ILRUN: variants seen among roughly 807,000 people sequenced by gnomAD.
The protein encoded by ILRUN is inflammation and lipid regulator with UBA-like and NBR1-like domains.
In ILRUN, 3 loss-of-function variants were observed where a neutral mutation model predicts 33.8. The observed-to-expected ratio is 0.09, with a 90% CI of 0.04 to 0.23. ILRUN has a LOEUF of 0.23. ILRUN is among the 10% of genes least tolerant of loss of function. ILRUN has a pLI of 1.00. For synonymous variants in ILRUN, 124 were observed against 138.9 expected, an observed-to-expected ratio of 0.89 and a Z score of 0.75; for missense variants, 210 against 375.1, an observed-to-expected ratio of 0.56 and a Z score of 3.64.
At chr6:34,659,888 T>C (rs1037171363) in intron 1 of ILRUN, among the ~76,000 whole-genome samples, 2 of 152,072 alleles carry the variant, frequency 1.3e-5, no homozygotes, top group Non-Finnish European at 2.9e-5. Context: ...CCCAAAGTGC[T>C]GGGATTACAG....
Position 34,696,558 on chromosome 6 carries a change from A to G in ILRUN, c.46T>C (p.Phe16Leu), listed in dbSNP as rs762135829. ...VDLDPELMQK[F>L]SCLGTTDKDV... ...TTGTCGGTGGTGCCCAGGCAGCTGA[A>G]CTTCTGCATCAGCTCCGGGTCCAGG... is the stretch of plus-strand genomic sequence containing the variant. The change falls in exon 1 of 5, where the codon TTC (phenylalanine) becomes CTC (leucine). Residue 16 changes from phenylalanine (F) to leucine (L), a missense_variant. This residue lies in a region of ILRUN where 61 missense variants were observed against 94.4 expected (regional missense o/e 0.65). Coordinates refer to ENST00000374023, the MANE Select transcript of ILRUN (RefSeq NM_024294.4). The G allele has an allele frequency of 1.9e-6, 3 of 1,612,786 alleles. No individual in the cohort carries two copies. Among genetic ancestry groups the G allele is most frequent in the Non-Finnish European group, 2.5e-6 (3 of 1,179,690 alleles).
At chr6:34,678,217 T>C (rs1763280743) in intron 1 of ILRUN, among the ~76,000 whole-genome samples, 2 of 152,106 alleles carry the variant, frequency 1.3e-5, no homozygotes, top group Non-Finnish European at 2.9e-5. Context: ...TTTTTGTATT[T>C]TTTAGTAGAG....
At chr6:34,695,794 G>A (rs938240094) in intron 1 of ILRUN, among the ~76,000 whole-genome samples, 3 of 151,470 alleles carry the variant, frequency 2.0e-5, no homozygotes, top group Non-Finnish European at 2.9e-5. Context: ...TTTACTAGTA[G>A]ATCCTACTCC....
chr6:34,651,665 TGA>T (rs1041869809), intron 2 of ILRUN, among the ~76,000 whole-genome samples: 1 of 151,510 alleles, frequency 6.6e-6, no homozygotes. Context: ...AACAAGGTAC[TGA>T]CTTCACTTTA....
chr6:34,657,681 T>C (rs1290851890), intron 1 of ILRUN, among the ~76,000 whole-genome samples: 1 of 152,150 alleles, frequency 6.6e-6, no homozygotes, highest in Non-Finnish European at 1.5e-5. Flanking sequence ...GGTACACAGC[T>C]ACAAATGTGG....
At position 34,606,434 on chromosome 6, in the gene ILRUN, T is replaced by C; in HGVS notation, c.861+121A>G. The C allele has an allele frequency of 4.3e-6, 3 of 702,750 alleles. No individual in the cohort carries two copies. The South Asian group carries it at 5.8e-5, about 14-fold the overall frequency. 43.5% of individuals were successfully genotyped at this position (702,750 alleles called of 1,614,324 possible). A position where few individuals can be genotyped will look rare whatever the true frequency, so the allele number is the denominator to read the frequency against. On this transcript the variant is annotated intron_variant, in intron 4 of 4. Coordinates refer to ENST00000374023, the MANE Select transcript of ILRUN (RefSeq NM_024294.4). ...GCATTGTTGCTATTGGCAGGAGAGC[T>C]GAGCAGTCTTAAAGAACCTCCTCTG... is the stretch of plus-strand genomic sequence containing the variant.
intron 1 of ILRUN, among the ~76,000 whole-genome samples, chr6:34,683,457 TATATACA>T (rs1562032990): frequency 3.5e-5 from 4 of 115,288 alleles, no homozygotes; most frequent in African/African-American, 1.7e-4. Context: ...TATATACATA[TATATACA>T]TATATATACA....
Position 34,592,622 on chromosome 6 carries a change from A to G in ILRUN, c.862-2022T>C, listed in dbSNP as rs1346914083. ...TTTTTATTTTTTTCAAGACAGAGTC[A>G]AGTGCTGGGATTACAGGCATGAGCC... On this transcript the variant is annotated intron_variant, in intron 4 of 4. Transcript: ENST00000374023. The surrounding 1 kb of genome is among the most constrained non-coding windows in gnomAD (Gnocchi z 4.0). Among the ~76,000 whole-genome samples the G allele has an allele frequency of 6.6e-6, 1 of 152,172 alleles. No individual in the cohort carries two copies. The highest frequency in any genetic ancestry group is 1.5e-5 in the Non-Finnish European group (1 of 68,034).
At chr6:34,644,755 G>A (rs1379540529) in intron 3 of ILRUN, among the ~76,000 whole-genome samples, 2 of 152,120 alleles carry the variant, frequency 1.3e-5, no homozygotes, top group Non-Finnish European at 1.5e-5. Context: ...AGGGTAGTGG[G>A]GAGAGGAGGC....
At chr6:34,612,534 A>G (rs1761779043) in intron 3 of ILRUN, among the ~76,000 whole-genome samples, 1 of 152,246 alleles carries the variant, frequency 6.6e-6, no homozygotes. Context: ...TTATTATAGT[A>G]TAAACTTCCT....
intron 3 of ILRUN, among the ~76,000 whole-genome samples, chr6:34,612,786 C>T (rs532730602): frequency 2.0e-4 from 31 of 152,070 alleles, no homozygotes; most frequent in East Asian, 1.2e-3. Flanking sequence ...CTCACGCCTG[C>T]AATCCCAGCA....
intron 3 of ILRUN, among the ~76,000 whole-genome samples, chr6:34,612,821 T>A (rs927882169): frequency 2.6e-5 from 4 of 152,062 alleles, no homozygotes; most frequent in Non-Finnish European, 5.9e-5. Context: ...GGCGGGCGGA[T>A]CATGAGGTCA....
intron 3 of ILRUN, among the ~76,000 whole-genome samples, chr6:34,608,385 AAAAAAATT>A (rs1346538583): frequency 6.6e-6 from 1 of 152,118 alleles, no homozygotes; most frequent in African/African-American, 2.4e-5. Flanking sequence ...TCCATCTCAA[AAAAAAATT>A]AAAAAATTAA....
chr6:34,671,812 C>T (rs1763122475), intron 1 of ILRUN: 1 of 152,190 alleles, frequency 6.6e-6, no homozygotes, highest in South Asian at 2.1e-4. Flanking sequence ...GGGAAGTAGA[C>T]AAGTGGAAAA....
At chr6:34,622,538 T>TAA (rs78821044) in intron 3 of ILRUN, among the ~76,000 whole-genome samples, 22 of 144,566 alleles carry the variant, frequency 1.5e-4, no homozygotes, top group Non-Finnish European at 1.8e-4. Flanking sequence ...TGGCTACTAC[T>TAA]AAAAAAAAAA....
chr6:34,662,051 G>C (rs943990176), intron 1 of ILRUN, among the ~76,000 whole-genome samples: 9 of 147,104 alleles, frequency 6.1e-5, no homozygotes, highest in African/African-American at 2.3e-4. Flanking sequence ...CGTGAACCCG[G>C]GAGGCGGAGC....
At chr6:34,595,772 C>A (rs1328761187) in intron 4 of ILRUN, 1 of 985,272 alleles carries the variant, frequency 1.0e-6, no homozygotes, top group Admixed American at 6.1e-5. Context: ...AAGGTTCACA[C>A]AGGTTAATAA....
At chr6:34,628,695 G>C (rs1166055983) in intron 3 of ILRUN, among the ~76,000 whole-genome samples, 2 of 152,122 alleles carry the variant, frequency 1.3e-5, no homozygotes, top group African/African-American at 4.8e-5. Flanking sequence ...GTGCATCTAA[G>C]TTCATGAGAA....
At chr6:34,605,513 C>T (rs1761610815) in intron 4 of ILRUN, among the ~76,000 whole-genome samples, 1 of 151,674 alleles carries the variant, frequency 6.6e-6, no homozygotes, top group African/African-American at 2.4e-5. Flanking sequence ...CCTGTAATCC[C>T]AGCTACTCAG....
Sources: allele counts gnomAD v4.1 joint callset (sites outside exome capture counted in the v4.1 genomes callset), GRCh38; gene constraint gnomAD v4.1.1; regional missense constraint gnomAD v4.1.1; non-coding constraint Gnocchi (gnomAD v3.1); transcripts MANE v1.5; gene names NCBI Gene and HGNC (gene_info 2026-07-23, HGNC 2026-07-21).